The following DNAH6 variants were observed in gnomAD, a reference collection of about 807,000 sequenced individuals.
The protein encoded by DNAH6 is dynein axonemal heavy chain 6, also known as axonemal beta dynein heavy chain 6.
DNAH6 carries 340 observed loss-of-function variants against 491.4 expected under a neutral mutation model. The observed-to-expected ratio is 0.69, with a 90% confidence interval of 0.63 to 0.76. The LOEUF (loss-of-function observed/expected upper bound fraction) is 0.76, where lower values mean the gene tolerates loss of function less well. Among genes scored for constraint, DNAH6 ranks in the 30% least tolerant of loss-of-function variants. The pLI is 0.00. For missense variants in DNAH6, 4,443 were observed against 4,972.2 expected, an observed-to-expected ratio of 0.89 and a Z score of 3.20; for synonymous variants, 1,603 against 1,686.1, an observed-to-expected ratio of 0.95 and a Z score of 1.21.
chr2:84,487,809 A>G, the DNAH6 span, among the ~76,000 whole-genome samples: 1 of 152,220 alleles, frequency 6.6e-6, no homozygotes, highest in Non-Finnish European at 1.5e-5. Context: ...ACCTGAGGTC[A>G]GCACTTAAAA....
chr2:84,688,363 G>T, intron 44 of DNAH6, 76 bp from the exon 45 acceptor site: 1 of 1,259,540 alleles, frequency 7.9e-7, no homozygotes. Context: ...TCTTGAAGAA[G>T]TTAAATGAAA....
At chr2:84,688,393 G>A (rs1694498119) in intron 44 of DNAH6, 46 bp from the exon 45 acceptor site, 3 of 1,427,470 alleles carry the variant, frequency 2.1e-6, no homozygotes, top group Non-Finnish European at 2.8e-6. Context: ...CAGGTTATGT[G>A]TCTATCAGAA....
At chr2:84,642,098 G>C in intron 33 of DNAH6, 44 bp downstream of exon 33, 1 of 1,234,252 alleles carries the variant, frequency 8.1e-7, no homozygotes. Context: ...CTATCACGTA[G>C]AGGCAAATGG....
chr2:84,663,004 A>G (rs1207049760), intron 37 of DNAH6, among the ~76,000 whole-genome samples: 1 of 152,194 alleles, frequency 6.6e-6, no homozygotes, highest in East Asian at 1.9e-4. Context: ...AGCAAATTCC[A>G]ACAGACCTTC....
intron 33 of DNAH6, among the ~76,000 whole-genome samples, chr2:84,652,566 A>G (rs2104560341): frequency 6.6e-6 from 1 of 151,962 alleles, no homozygotes; most frequent in Middle Eastern, 3.4e-3. Context: ...TTCTTTGTTC[A>G]CTGTCAACTT....
the DNAH6 span, among the ~76,000 whole-genome samples, chr2:84,470,849 A>G: frequency 6.6e-6 from 1 of 152,070 alleles, no homozygotes; most frequent in East Asian, 1.9e-4. Context: ...TTGAGAGAGA[A>G]AGTGGGACCA....
chr2:84,797,731 A>C, intron 70 of DNAH6, 73 bp downstream of exon 70: 1 of 1,163,248 alleles, frequency 8.6e-7, no homozygotes, highest in South Asian at 1.4e-5. Context: ...AATCACCCCC[A>C]CTCACTCTGG....
intron 8 of DNAH6, among the ~76,000 whole-genome samples, chr2:84,549,289 C>A (rs1679092995): frequency 6.6e-6 from 1 of 152,156 alleles, no homozygotes; most frequent in African/African-American, 2.4e-5. Flanking sequence ...GTCTGTGTAG[C>A]AACAGAAATC....
chr2:84,816,300 A>C (rs1680481590), intron 76 of DNAH6, among the ~76,000 whole-genome samples: 1 of 152,262 alleles, frequency 6.6e-6, no homozygotes, highest in Non-Finnish European at 1.5e-5. Flanking sequence ...TGCTTCTATT[A>C]GAATCCAAGG....
At chr2:84,485,307 T>G in the DNAH6 span, among the ~76,000 whole-genome samples, 1 of 152,106 alleles carries the variant, frequency 6.6e-6, no homozygotes, top group African/African-American at 2.4e-5. Context: ...TTTCACTGTC[T>G]CAAACACAGC....
Position 84,616,914 on chromosome 2 carries a change from T to G in DNAH6, c.3504T>G (p.Asn1168Lys), listed in dbSNP as rs1024032803. 6.7e-7 allele frequency: 1 copy of G among 1,497,272 alleles called. No homozygotes were observed. Among genetic ancestry groups the G allele is most frequent in the East Asian group, 2.6e-5 (1 of 37,822 alleles). The allele number at this position is 1,497,272 out of a possible 1,614,324, so 92.7% of individuals were successfully genotyped here. A position where few individuals can be genotyped will look rare whatever the true frequency, so the allele number is the denominator to read the frequency against. ...TTCTGGAAACTTTTCAAAACAATAA[T>G]GCATTACTTGACCAAATTCAGAAGT... ...PGLLETFQNN[N>K]ALLDQIQKCL... The change falls in exon 23 of 77, where the codon AAT (asparagine) becomes AAG (lysine). Residue 1168 changes from asparagine (N) to lysine (K), a missense_variant. This residue lies in a region of DNAH6 where 2,977 missense variants were observed against 3,296.6 expected (regional missense o/e 0.90). Transcript: ENST00000389394.
intron 48 of DNAH6, 100 bp downstream of exon 48, chr2:84,699,834 C>A: frequency 8.8e-7 from 1 of 1,136,054 alleles, no homozygotes; most frequent in Non-Finnish European, 1.2e-6. Context: ...CTTGTATTAG[C>A]TTTAAAGCCT....
intron 52 of DNAH6, 121 bp from the exon 53 acceptor site, chr2:84,706,775 C>A: frequency 8.5e-7 from 1 of 1,170,704 alleles, no homozygotes; most frequent in Admixed American, 3.5e-5. Context: ...TGTATCACAT[C>A]AAAGTCTTTT....
chr2:84,779,415 A>G (rs1256242676), intron 64 of DNAH6, among the ~76,000 whole-genome samples: 1 of 152,046 alleles, frequency 6.6e-6, no homozygotes, highest in Admixed American at 6.5e-5. Context: ...GTCCTTTGTT[A>G]CTGTTGTCAA....
intron 10 of DNAH6, among the ~76,000 whole-genome samples, chr2:84,554,577 C>G (rs1679836810): frequency 1.3e-5 from 2 of 152,326 alleles, no homozygotes; most frequent in East Asian, 3.9e-4. Context: ...AAAACCGCTT[C>G]TGGGGTTCAG....
chr2:84,710,386 C>T lies in DNAH6; in HGVS notation c.9352C>T (p.Leu3118Phe). Reference sequence around the variant, plus strand: ...ACGAATACTCGAGAATTCAATCCGACTTGGTTTACCTGTCTTACTGGAAGA... The same window carrying T: ...ACGAATACTCGAGAATTCAATCCGATTTGGTTTACCTGTCTTACTGGAAGA... ...FLRILENSIR[L>F]GLPVLLEELK... The change falls in exon 56 of 77, where the codon CTT becomes TTT. Residue 3118 changes from leucine (L) to phenylalanine (F), a missense_variant. Around this residue, in one of 3 missense-constraint regions of DNAH6, gnomAD observed 1,463 missense variants for 1,656.6 expected, o/e 0.88. Transcript: ENST00000389394. The T allele has an allele frequency of 1.3e-6, 2 of 1,551,780 alleles. No homozygotes were observed. The highest frequency in any genetic ancestry group is 1.7e-6 in the Non-Finnish European group (2 of 1,146,950).
chr2:84,522,886 T>G (rs1391041102), intron 2 of DNAH6, among the ~76,000 whole-genome samples: 1 of 152,192 alleles, frequency 6.6e-6, no homozygotes, highest in Non-Finnish European at 1.5e-5. Context: ...TTGAGGATTC[T>G]TGCATCAATG....
intron 37 of DNAH6, among the ~76,000 whole-genome samples, chr2:84,665,404 A>G (rs1286594161): frequency 6.6e-6 from 1 of 152,218 alleles, no homozygotes; most frequent in Admixed American, 6.5e-5. Flanking sequence ...GCAATAAAAA[A>G]TGATAAAGTG....
At chr2:84,503,065 CCCTT>C in the DNAH6 span, among the ~76,000 whole-genome samples, 1 of 151,916 alleles carries the variant, frequency 6.6e-6, no homozygotes, top group Non-Finnish European at 1.5e-5. Flanking sequence ...TTGTGGTCTT[CCCTT>C]CCTTCTTTCT....
Sources: gnomAD v4.1 joint callset for allele counts (sites outside exome capture counted in the v4.1 genomes callset) on GRCh38, gnomAD v4.1.1 for gene constraint, gnomAD v4.1.1 regional missense constraint, MANE v1.5 for transcripts, NCBI Gene and HGNC (gene_info 2026-07-23, HGNC 2026-07-21) for gene names.